POMGNT1: variants seen among roughly 807,000 people sequenced by gnomAD.
The protein encoded by POMGNT1 is protein O-linked-mannose beta-1,2-N-acetylglucosaminyltransferase 1.
A neutral mutation model predicts 95.6 loss-of-function variants in POMGNT1; 67 were observed. The ratio of observed to expected loss-of-function variants is 0.70; its 90% CI spans 0.58 to 0.86. POMGNT1 has a LOEUF of 0.86. Ranked by LOEUF, POMGNT1 falls within the 40% of genes least tolerant of loss-of-function variation. The probability of loss-of-function intolerance (pLI) is 0.00; values close to 1 mark genes in which losing one functional copy is unlikely to be tolerated. For missense variants in POMGNT1, 719 were observed against 855.2 expected (o/e 0.84, Z 1.99); for synonymous variants, 298 against 317.9 (o/e 0.94, Z 0.66).
chr1:46,196,630 T>C lies in POMGNT1; in HGVS notation c.354+101A>G. The stretch of plus-strand genomic sequence containing the variant: ...ACTCCAAAGTCACACAGCTAGAAAC[T>C]GGCAGAGTTGCAGTTCCCACTTAGG... On this transcript the variant is annotated intron_variant, in intron 4 of 21. Coordinates refer to ENST00000371984, the MANE Select transcript of POMGNT1 (RefSeq NM_017739.4). The surrounding 1 kb of genome is among the most constrained non-coding windows in gnomAD (Gnocchi z 4.4). The C allele has an allele frequency of 6.2e-7, 1 of 1,603,624 alleles. No individual in the cohort carries two copies. Among genetic ancestry groups the C allele is most frequent in the Non-Finnish European group, 8.5e-7 (1 of 1,177,870 alleles).
At chr1:46,207,544 C>CTTT (rs565434779) in intron 1 of POMGNT1, among the ~76,000 whole-genome samples, 2 of 146,554 alleles carry the variant, frequency 1.4e-5, no homozygotes, top group Non-Finnish European at 3.0e-5. Context: ...TTCTTTCTTT[C>CTTT]TTTTTTTTTT....
At position 46,213,596 on chromosome 1, in the gene POMGNT1, C is replaced by T. The variant is rs141816336; in HGVS notation, c.-51+6109G>A. Among the ~76,000 whole-genome samples, 586 of 152,146 alleles carry T rather than the reference C, an allele frequency of 3.9e-3. 3 individuals carry two copies. The highest frequency in any genetic ancestry group is 0.013 in the African/African-American group (541 of 41,544). ...AAATACGGCCAGGCACAATGGCTTACGCCTGTAATCACAGCACTCTGGGAG... is the reference window on the plus strand; with the variant it reads ...AAATACGGCCAGGCACAATGGCTTATGCCTGTAATCACAGCACTCTGGGAG... On this transcript the variant is annotated intron_variant, in intron 1 of 22. Transcript: ENST00000371992.
At position 46,192,422 on chromosome 1, in the gene POMGNT1, C is replaced by T. The variant is rs187954010; in HGVS notation, c.1299G>A (p.Thr433=). 6.6e-5 allele frequency: 106 copies of T among 1,614,138 alleles called. No individual in the cohort carries two copies. The highest frequency in any genetic ancestry group is 3.3e-4 in the African/African-American group (25 of 75,028). The change falls in exon 16 of 22, where the codon ACG becomes ACA. Residue 433 remains threonine (T), a synonymous_variant. Coordinates refer to ENST00000371984, the MANE Select transcript of POMGNT1 (RefSeq NM_017739.4). ...GGTACAGTAGTGCTGGGTCCTCAGC[C>T]GTGTGTTCATACCCCTGGGGACAGG... is the stretch of plus-strand genomic sequence containing the variant. ...SAWNDQGYEH[T]AEDPALLYRV...
chr1:46,190,901 C>T, intron 17 of POMGNT1, 117 bp from the exon 18 acceptor site: 2 of 953,656 alleles, frequency 2.1e-6, no homozygotes, highest in Non-Finnish European at 1.7e-6. Flanking sequence ...GTAAAGAGCC[C>T]TCTAATTTCC....
At chr1:46,203,560 TC>T (rs1250924514) in intron 1 of POMGNT1, 5 of 1,571,430 alleles carry the variant, frequency 3.2e-6, no homozygotes, top group Non-Finnish European at 4.3e-6. Context: ...GCCCTGCTGC[TC>T]CCAGGGGCGT....
chr1:46,200,488 A>T (rs1658505394), upstream of POMGNT1, among the ~76,000 whole-genome samples: 1 of 151,796 alleles, frequency 6.6e-6, no homozygotes. Flanking sequence ...GTCACCCTTG[A>T]CTCCTTGTCT....
chr1:46,190,180 G>C, intron 19 of POMGNT1, 191 bp from the exon 20 acceptor site: 1 of 722,956 alleles, frequency 1.4e-6, no homozygotes, highest in Non-Finnish European at 2.2e-6. Flanking sequence ...AAGTAGCTGG[G>C]ACTACAGGCG....
exon 1 of POMGNT1, chr1:46,219,721 T>C (rs150947325): frequency 6.2e-7 from 1 of 1,601,526 alleles, no homozygotes; most frequent in African/African-American, 1.3e-5. Flanking sequence ...GCCATCGATG[T>C]GAAGATCCTG....
chr1:46,199,988 G>A (rs996547187), upstream of POMGNT1, among the ~76,000 whole-genome samples: 1 of 151,984 alleles, frequency 6.6e-6, no homozygotes, highest in Non-Finnish European at 1.5e-5. Flanking sequence ...TGCCCAACGC[G>A]GTGAAACCCC....
chr1:46,192,654 C>G, intron 14 of POMGNT1, 64 bp from the exon 15 acceptor site: 2 of 1,606,080 alleles, frequency 1.2e-6, no homozygotes, highest in African/African-American at 1.3e-5. Flanking sequence ...CACAGAGATG[C>G]TAGAATTGCT....
In POMGNT1 at chr1:46,196,948, C is replaced by T; in HGVS notation, c.235+22G>A. ...AGCTGTGAGATCCAAGGCCCCCTAC[C>T]CCATCCTTAGCCTAGCCCTACCATA... On this transcript the variant is annotated intron_variant, in intron 3 of 21. Transcript: ENST00000371984. This position sits in a 1 kb window ranked among gnomAD's most constrained non-coding sequence, Gnocchi z 4.4. The T allele has an allele frequency of 6.2e-7, 1 of 1,614,196 alleles. No individual in the cohort carries two copies. The highest frequency in any genetic ancestry group is 1.1e-5 in the South Asian group (1 of 91,086).
At chr1:46,190,996 T>C (rs1571651137) in intron 17 of POMGNT1, 3 of 557,188 alleles carry the variant, frequency 5.4e-6, no homozygotes, top group East Asian at 7.2e-5. Context: ...GGAGAGCTCA[T>C]GCTGTCACGG....
intron 1 of POMGNT1, among the ~76,000 whole-genome samples, chr1:46,210,053 T>C (rs1658845157): frequency 6.6e-6 from 1 of 152,164 alleles, no homozygotes; most frequent in Non-Finnish European, 1.5e-5. Context: ...GATATTGCAG[T>C]TATTTATGTT....
intron 18 of POMGNT1, 71 bp downstream of exon 18, chr1:46,190,649 G>A (rs1213790177): frequency 1.9e-6 from 3 of 1,544,216 alleles, no homozygotes; most frequent in African/African-American, 2.7e-5. Context: ...GCCCAGCATT[G>A]GAAGGGACTT....
chr1:46,211,340 A>C (rs964365538), intron 1 of POMGNT1, among the ~76,000 whole-genome samples: 2 of 152,040 alleles, frequency 1.3e-5, no homozygotes, highest in Non-Finnish European at 2.9e-5. Flanking sequence ...GGTCAGAAAG[A>C]GACTGTTTCC....
chr1:46,194,069 C>T lies in POMGNT1; in HGVS notation c.880-144G>A. On this transcript the variant is annotated intron_variant, in intron 9 of 21. Transcript: ENST00000371984. ...AGGATCTTCCCTGTTCTGGGCTCTCCACACACTCAGCCCAACTCTAGCGCT... is the reference window on the plus strand; with the variant it reads ...AGGATCTTCCCTGTTCTGGGCTCTCTACACACTCAGCCCAACTCTAGCGCT... 6 of 1,539,634 alleles carry T rather than the reference C, an allele frequency of 3.9e-6. No homozygotes were observed. In the South Asian group the frequency reaches 7.3e-5, roughly 19 times the overall value.
chr1:46,197,459 A>C (rs1658338183), intron 2 of POMGNT1: 3 of 1,488,972 alleles, frequency 2.0e-6, no homozygotes, highest in African/African-American at 1.4e-5. Flanking sequence ...GCCTCTCTGC[A>C]AAGCCAGCCT....
chr1:46,218,708 G>A (rs1282566939), intron 1 of POMGNT1, among the ~76,000 whole-genome samples: 1 of 152,166 alleles, frequency 6.6e-6, no homozygotes, highest in Non-Finnish European at 1.5e-5. Flanking sequence ...TGGAACGGAC[G>A]CTTGAGATTA....
At chr1:46,207,907 G>A (rs193280805) in intron 1 of POMGNT1, among the ~76,000 whole-genome samples, 7 of 151,450 alleles carry the variant, frequency 4.6e-5, no homozygotes, top group South Asian at 2.1e-4. Context: ...CGTTCTTGGC[G>A]TCCAGGCTGG....
Sources: allele counts gnomAD v4.1 joint callset (sites outside exome capture counted in the v4.1 genomes callset), GRCh38; gene constraint gnomAD v4.1.1; non-coding constraint Gnocchi (gnomAD v3.1); transcripts MANE v1.5; gene names NCBI Gene and HGNC (gene_info 2026-07-23, HGNC 2026-07-21).